SHISAL1: variants seen among roughly 807,000 people sequenced by gnomAD.
The protein encoded by SHISAL1 is protein shisa-like-1.
Under a neutral mutation model 22.6 loss-of-function variants are expected in SHISAL1, and 9 were observed. That is an observed-to-expected ratio of 0.40 (90% confidence interval 0.24 to 0.70). The LOEUF (loss-of-function observed/expected upper bound fraction) is 0.70, where lower values mean the gene tolerates loss of function less well. SHISAL1 is among the 30% of genes least tolerant of loss of function. SHISAL1 has a pLI of 0.39. For synonymous variants in SHISAL1, 119 were observed against 115.4 expected (o/e 1.03, Z -0.20); for missense variants, 246 against 270.6 (o/e 0.91, Z 0.64).
At chr22:44,272,349 G>A (rs142749754) in intron 4 of SHISAL1, among the ~76,000 whole-genome samples, 15 of 152,310 alleles carry the variant, frequency 9.8e-5, no homozygotes, top group Non-Finnish European at 2.2e-4. Flanking sequence ...TCCAAGCAAA[G>A]CCAGGGCAGG....
intron 4 of SHISAL1, among the ~76,000 whole-genome samples, chr22:44,267,335 G>A (rs1049265144): frequency 9.2e-5 from 14 of 151,948 alleles, no homozygotes; most frequent in African/African-American, 3.4e-4. Context: ...CCGCCCCAAG[G>A]TCCCCATCTT....
At chr22:44,329,316 T>A in the SHISAL1 span, among the ~76,000 whole-genome samples, 1 of 152,112 alleles carries the variant, frequency 6.6e-6, no homozygotes, top group South Asian at 2.1e-4. Flanking sequence ...TCCCGCTCGC[T>A]TTCTTTGTCA....
At chr22:44,262,191 A>G (rs1193208757) in intron 4 of SHISAL1, among the ~76,000 whole-genome samples, 1 of 152,224 alleles carries the variant, frequency 6.6e-6, no homozygotes, top group African/African-American at 2.4e-5. Context: ...GGCCCTGGAC[A>G]AGGCTTGTTG....
At position 44,273,275 on chromosome 22, in the gene SHISAL1, G is replaced by A. The variant is rs140269889; in HGVS notation, c.599+12153C>T. 1.5e-4 allele frequency among the ~76,000 whole-genome samples: 23 copies of A among 152,258 alleles called. No homozygotes were observed. In the South Asian group the frequency reaches 3.9e-3, roughly 26 times the overall value. Reference sequence around the variant, plus strand: ...GGAAGAAAACCCTGATTTGTAGCACGTGCTGTCAATTTCCCGAGCGTAAAT... The same window carrying A: ...GGAAGAAAACCCTGATTTGTAGCACATGCTGTCAATTTCCCGAGCGTAAAT... On this transcript the variant is annotated intron_variant, in intron 4 of 4. Coordinates refer to ENST00000381176, the MANE Select transcript of SHISAL1 (RefSeq NM_001099294.2).
intron 4 of SHISAL1, among the ~76,000 whole-genome samples, chr22:44,269,218 ACAC>A (rs1227963988): frequency 6.6e-5 from 10 of 150,592 alleles, no homozygotes; most frequent in Non-Finnish European, 1.3e-4. Context: ...ATATACACAC[ACAC>A]CACGCCACAC....
chr22:44,321,022 G>C, the SHISAL1 span, among the ~76,000 whole-genome samples: 1 of 152,150 alleles, frequency 6.6e-6, no homozygotes, highest in African/African-American at 2.4e-5. Flanking sequence ...GTGTCATCTC[G>C]GGCACTGACA....
chr22:44,329,559 G>A, the SHISAL1 span, among the ~76,000 whole-genome samples: 770 of 152,280 alleles, frequency 5.1e-3, 4 homozygotes, highest in Non-Finnish European at 7.0e-3. Flanking sequence ...GCGTGAAGAT[G>A]ACATTAAAGA....
intron 3 of SHISAL1, among the ~76,000 whole-genome samples, chr22:44,288,261 C>T (rs2055329715): frequency 6.6e-6 from 1 of 152,204 alleles, no homozygotes; most frequent in Non-Finnish European, 1.5e-5. Flanking sequence ...AATTTGAACT[C>T]AGCAGCTGAG....
At chr22:44,269,075 CGG>C (rs1328096451) in intron 4 of SHISAL1, among the ~76,000 whole-genome samples, 1 of 151,982 alleles carries the variant, frequency 6.6e-6, no homozygotes, top group Non-Finnish European at 1.5e-5. Context: ...TTCTACTGCC[CGG>C]GACAGTAAAC....
chr22:44,300,359 G>A (rs1029294923), intron 2 of SHISAL1, among the ~76,000 whole-genome samples: 2 of 152,350 alleles, frequency 1.3e-5, no homozygotes, highest in African/African-American at 4.8e-5. Context: ...CTCAGCTCTA[G>A]CTGGGAGGAG....
chr22:44,269,437 A>G lies in SHISAL1; in HGVS notation c.599+15991T>C, dbSNP rs1379159068. The stretch of plus-strand genomic sequence containing the variant: ...ACACACCATGCCACAGACAGAAGAC[A>G]CACACACACCATGCCACACAGACGC... On this transcript the variant is annotated intron_variant, in intron 4 of 4. Coordinates refer to ENST00000381176, the MANE Select transcript of SHISAL1 (RefSeq NM_001099294.2). 5.4e-5 allele frequency among the ~76,000 whole-genome samples: 8 copies of G among 147,324 alleles called. No homozygotes were observed. The East Asian group carries it at 1.4e-3, about 26-fold the overall frequency.
chr22:44,250,036 G>A (rs771398889), intron 4 of SHISAL1, among the ~76,000 whole-genome samples: 16 of 152,258 alleles, frequency 1.1e-4, no homozygotes, highest in African/African-American at 1.4e-4. Flanking sequence ...AGACATAGAC[G>A]TATAATAGTC....
chr22:44,296,630 G>C (rs972269903), intron 3 of SHISAL1, 42 bp downstream of exon 3: 3 of 1,587,082 alleles, frequency 1.9e-6, no homozygotes, highest in Admixed American at 1.7e-5. Flanking sequence ...CCCTTGCCTG[G>C]GGCCCGAGGC....
chr22:44,307,283 C>T (rs1302252901), intron 1 of SHISAL1, among the ~76,000 whole-genome samples: 2 of 152,140 alleles, frequency 1.3e-5, no homozygotes, highest in Middle Eastern at 3.2e-3. Flanking sequence ...CCCTGGTATT[C>T]ACTGCACTGT....
rs1199538390 is a variant in SHISAL1 at position 44,276,827 on chromosome 22, AG to A, written c.599+8600del. Among the ~76,000 whole-genome samples, 3 of 147,032 alleles carry A rather than the reference AG, an allele frequency of 2.0e-5. No homozygotes were observed. The East Asian group carries it at 5.9e-4, about 29-fold the overall frequency. On this transcript the variant is annotated intron_variant, in intron 4 of 4. Coordinates refer to ENST00000381176, the MANE Select transcript of SHISAL1 (RefSeq NM_001099294.2). Reference sequence around the variant, plus strand: ...AGCTGTGGATCCGGGTGGGGTCCCCAGGGGTGGGTGGAAATGAGAGAGAAGT... The same window carrying A: ...AGCTGTGGATCCGGGTGGGGTCCCCAGGGTGGGTGGAAATGAGAGAGAAGT...
intron 3 of SHISAL1, among the ~76,000 whole-genome samples, chr22:44,292,087 C>A (rs1397063614): frequency 6.6e-6 from 1 of 152,212 alleles, no homozygotes; most frequent in East Asian, 1.9e-4. Context: ...CCATTCTGTT[C>A]CTCCAGAAAA....
chr22:44,268,295 T>C (rs2055179156), intron 4 of SHISAL1, among the ~76,000 whole-genome samples: 1 of 152,138 alleles, frequency 6.6e-6, no homozygotes, highest in African/African-American at 2.4e-5. Flanking sequence ...TGCCTCCCGC[T>C]CTACGAAAAT....
chr22:44,267,879 C>G (rs1055560679), intron 4 of SHISAL1, among the ~76,000 whole-genome samples: 3 of 152,246 alleles, frequency 2.0e-5, no homozygotes, highest in Non-Finnish European at 2.9e-5. Context: ...GAGGCAGGGC[C>G]AGGCCATGGA....
chr22:44,318,944 G>T, the SHISAL1 span, among the ~76,000 whole-genome samples: 1 of 152,226 alleles, frequency 6.6e-6, no homozygotes, highest in African/African-American at 2.4e-5. Flanking sequence ...AGGATGCGGC[G>T]CTGGCCACAG....
Sources: allele counts gnomAD v4.1 joint callset (sites outside exome capture counted in the v4.1 genomes callset), GRCh38; gene constraint gnomAD v4.1.1; transcripts MANE v1.5; gene names NCBI Gene and HGNC (gene_info 2026-07-23, HGNC 2026-07-21).